The following KDM4C variants were observed in gnomAD, a reference collection of about 807,000 sequenced individuals.
KDM4C encodes lysine demethylase 4C.
In KDM4C, 81 loss-of-function variants were observed where a neutral mutation model predicts 129.3. The ratio of observed to expected loss-of-function variants is 0.63; its 90% CI spans 0.52 to 0.75. KDM4C has a LOEUF of 0.75. Among genes scored for constraint, KDM4C ranks in the 30% least tolerant of loss-of-function variants. The pLI is 0.00. For synonymous variants in KDM4C, 573 were observed against 456.1 expected (o/e 1.26, Z -3.26); for missense variants, 1,457 against 1,304.0 (o/e 1.12, Z -1.81).
chr9:6,817,763 C>CTTTTTTT (rs146833868), intron 4 of KDM4C, among the ~76,000 whole-genome samples: 2 of 105,094 alleles, frequency 1.9e-5, no homozygotes, highest in African/African-American at 3.9e-5. Flanking sequence ...CAGGAATAAC[C>CTTTTTTT]TTTTTTTTTT....
chr9:6,730,549 A>G (rs556391599), intron 1 of KDM4C, among the ~76,000 whole-genome samples: 4 of 151,600 alleles, frequency 2.6e-5, no homozygotes, highest in Non-Finnish European at 4.4e-5. Context: ...CGGGAGGCGG[A>G]GCTTGCAGTG....
chr9:7,078,182 T>A (rs938782014), intron 17 of KDM4C, among the ~76,000 whole-genome samples: 33 of 152,166 alleles, frequency 2.2e-4, no homozygotes, highest in Middle Eastern at 3.2e-3. Flanking sequence ...GGGTGCTTTT[T>A]AAAAAAATAA....
chr9:6,933,663 T>C (rs985423390), intron 8 of KDM4C, among the ~76,000 whole-genome samples: 3 of 152,206 alleles, frequency 2.0e-5, no homozygotes, highest in Admixed American at 1.3e-4. Context: ...TATTTACTTA[T>C]GTATAGTTCT....
intron 4 of KDM4C, chr9:6,835,253 G>C: frequency 1.1e-6 from 1 of 904,246 alleles, no homozygotes; most frequent in Non-Finnish European, 1.9e-6. Context: ...TCCTTCCTGG[G>C]CATGGAATCC....
chr9:6,945,532 A>T (rs562218616), intron 8 of KDM4C, among the ~76,000 whole-genome samples: 4 of 152,316 alleles, frequency 2.6e-5, no homozygotes, highest in Admixed American at 2.6e-4. Context: ...TTTTGACAAA[A>T]TCATCTTTTA....
intron 1 of KDM4C, chr9:6,724,064 G>A (rs948700093): frequency 6.6e-6 from 1 of 152,180 alleles, no homozygotes; most frequent in African/African-American, 2.4e-5. Flanking sequence ...GATGCCAGAA[G>A]GAAGGGAGGA....
intron 4 of KDM4C, among the ~76,000 whole-genome samples, chr9:6,833,702 T>G (rs1835328644): frequency 6.6e-6 from 1 of 152,206 alleles, no homozygotes; most frequent in Non-Finnish European, 1.5e-5. Context: ...TGGTATGTAC[T>G]GAATCAGTGT....
intron 17 of KDM4C, among the ~76,000 whole-genome samples, chr9:7,063,336 A>G (rs1243133961): frequency 6.6e-6 from 1 of 152,242 alleles, no homozygotes; most frequent in Non-Finnish European, 1.5e-5. Context: ...GGAAGATACC[A>G]GCTTGACTGT....
At chr9:6,908,515 C>A (rs1271028080) in intron 8 of KDM4C, among the ~76,000 whole-genome samples, 1 of 152,076 alleles carries the variant, frequency 6.6e-6, no homozygotes, top group East Asian at 1.9e-4. Context: ...AACGGGCGTC[C>A]ACGGAAGGAC....
At chr9:6,740,379 A>AT (rs1817647700) in intron 1 of KDM4C, among the ~76,000 whole-genome samples, 1 of 150,358 alleles carries the variant, frequency 6.7e-6, no homozygotes, top group Non-Finnish European at 1.5e-5. Context: ...AATTTTTTGT[A>AT]TTTTTAGTAG....
intron 1 of KDM4C, among the ~76,000 whole-genome samples, chr9:6,785,339 C>A (rs914088477): frequency 7.6e-6 from 1 of 131,540 alleles, no homozygotes; most frequent in Admixed American, 7.2e-5. Flanking sequence ...TCTCCTCTTC[C>A]TCTTTTTTTT....
At chr9:6,724,824 C>T (rs758649012) in intron 1 of KDM4C, among the ~76,000 whole-genome samples, 2 of 152,100 alleles carry the variant, frequency 1.3e-5, no homozygotes, top group Non-Finnish European at 1.5e-5. Context: ...CCACAGTGTC[C>T]GGCCTCTGGG....
At chr9:6,897,702 A>G (rs556915540) in intron 8 of KDM4C, among the ~76,000 whole-genome samples, 7 of 152,284 alleles carry the variant, frequency 4.6e-5, no homozygotes, top group Middle Eastern at 3.4e-3. Flanking sequence ...GTCTTCAAGG[A>G]GCTTTCAGAA....
At chr9:6,794,762 C>G (rs545122807) in intron 2 of KDM4C, among the ~76,000 whole-genome samples, 1 of 152,144 alleles carries the variant, frequency 6.6e-6, no homozygotes, top group East Asian at 1.9e-4. Flanking sequence ...ATGGTAGTGA[C>G]TTAAGCCTTG....
chr9:6,807,861 C>T (rs1414255474), intron 3 of KDM4C, among the ~76,000 whole-genome samples: 1 of 145,396 alleles, frequency 6.9e-6, no homozygotes, highest in East Asian at 2.1e-4. Context: ...AGCCCCCCAA[C>T]CTGGCCAGCC....
At chr9:6,840,780 G>C (rs1588630547) in intron 4 of KDM4C, among the ~76,000 whole-genome samples, 1 of 152,140 alleles carries the variant, frequency 6.6e-6, no homozygotes, top group African/African-American at 2.4e-5. Flanking sequence ...ATGATGTTTT[G>C]CTTTTGTTTT....
chr9:7,105,444 G>C (rs1321139704), intron 18 of KDM4C: 8 of 470,736 alleles, frequency 1.7e-5, no homozygotes, highest in Middle Eastern at 6.5e-4. Flanking sequence ...AAGTTGTATT[G>C]CTACTACTAC....
intron 5 of KDM4C, among the ~76,000 whole-genome samples, chr9:6,854,979 T>C (rs1839537853): frequency 6.6e-6 from 1 of 152,202 alleles, no homozygotes; most frequent in African/African-American, 2.4e-5. Flanking sequence ...GCACCCACCT[T>C]GTAAGGCAAT....
chr9:6,977,298 A>T (rs1833084819), intron 8 of KDM4C, among the ~76,000 whole-genome samples: 1 of 152,172 alleles, frequency 6.6e-6, no homozygotes, highest in Admixed American at 6.5e-5. Flanking sequence ...AAAGACAGTA[A>T]TTCTTTTTAA....
Sources: gnomAD v4.1 joint callset for allele counts (sites outside exome capture counted in the v4.1 genomes callset) on GRCh38, gnomAD v4.1.1 for gene constraint, MANE v1.5 for transcripts, NCBI Gene and HGNC (gene_info 2026-07-23, HGNC 2026-07-21) for gene names.